The following CTNNA2 variants were observed in gnomAD, a reference collection of about 807,000 sequenced individuals.
CTNNA2 encodes catenin alpha-2.
In CTNNA2, 42 loss-of-function variants were observed where a neutral mutation model predicts 101.0. The observed-to-expected ratio is 0.42, with a 90% CI of 0.32 to 0.54. The LOEUF (loss-of-function observed/expected upper bound fraction) is 0.54. Ranked by LOEUF, CTNNA2 falls within the 20% of genes least tolerant of loss-of-function variation. CTNNA2 has a pLI of 0.14. For missense variants in CTNNA2, 871 were observed against 1,223.1 expected, an observed-to-expected ratio of 0.71 and a Z score of 4.29; for synonymous variants, 450 against 456.4, an observed-to-expected ratio of 0.99 and a Z score of 0.18.
chr2:80,157,615 C>G (rs1704065022), intron 7 of CTNNA2, among the ~76,000 whole-genome samples: 1 of 151,708 alleles, frequency 6.6e-6, no homozygotes, highest in Non-Finnish European at 1.5e-5. Context: ...CTCAGCTGTT[C>G]TGGTGCTGTG....
chr2:79,258,960 C>A (rs1161757997), intron 2 of CTNNA2, among the ~76,000 whole-genome samples: 1 of 149,710 alleles, frequency 6.7e-6, no homozygotes, highest in Non-Finnish European at 1.5e-5. Context: ...ATATTTTAAT[C>A]TTTTGTTGTC....
At chr2:79,871,522 T>G (rs1190944709) in intron 5 of CTNNA2, among the ~76,000 whole-genome samples, 1 of 152,096 alleles carries the variant, frequency 6.6e-6, no homozygotes, top group Non-Finnish European at 1.5e-5. Context: ...AGAAGGGCAT[T>G]CTGCTCTGGA....
At chr2:79,987,811 G>A (rs978704866) in intron 7 of CTNNA2, among the ~76,000 whole-genome samples, 1 of 152,190 alleles carries the variant, frequency 6.6e-6, no homozygotes, top group South Asian at 2.1e-4. Context: ...GATAAGTACT[G>A]TTAAGTGGAA....
intron 8 of CTNNA2, among the ~76,000 whole-genome samples, chr2:80,403,958 C>A (rs1678818584): frequency 6.6e-6 from 1 of 152,162 alleles, no homozygotes; most frequent in South Asian, 2.1e-4. Flanking sequence ...GCAGATGAGG[C>A]TGACTTGGTG....
intron 7 of CTNNA2, among the ~76,000 whole-genome samples, chr2:80,268,989 A>C (rs1042468555): frequency 6.6e-6 from 1 of 152,224 alleles, no homozygotes; most frequent in Non-Finnish European, 1.5e-5. Flanking sequence ...GAAGAGATCT[A>C]TGTATTTCAA....
chr2:79,348,271 G>T (rs1677308081), intron 3 of CTNNA2, among the ~76,000 whole-genome samples: 1 of 152,162 alleles, frequency 6.6e-6, no homozygotes, highest in Admixed American at 6.5e-5. Context: ...AGTAGGTGTT[G>T]ATGCTTTTCT....
At chr2:80,553,107 C>A (rs1208734985) in intron 11 of CTNNA2, among the ~76,000 whole-genome samples, 2 of 151,374 alleles carry the variant, frequency 1.3e-5, no homozygotes, top group East Asian at 3.9e-4. Context: ...GCCTGTAATC[C>A]CATCTACTTG....
intron 7 of CTNNA2, among the ~76,000 whole-genome samples, chr2:79,927,754 T>G (rs1370887355): frequency 6.6e-6 from 1 of 152,200 alleles, no homozygotes; most frequent in African/African-American, 2.4e-5. Context: ...TGTTGCTTAT[T>G]GTATTCACAC....
intron 2 of CTNNA2, among the ~76,000 whole-genome samples, chr2:79,309,270 T>C (rs1676313635): frequency 6.6e-6 from 1 of 152,174 alleles, no homozygotes; most frequent in Non-Finnish European, 1.5e-5. Context: ...ACTGGAGTTG[T>C]ACTACATATT....
chr2:79,760,420 G>A (rs1558905763), intron 3 of CTNNA2, among the ~76,000 whole-genome samples: 1 of 152,014 alleles, frequency 6.6e-6, no homozygotes, highest in Non-Finnish European at 1.5e-5. Flanking sequence ...GGACTAGCAA[G>A]TCCACCATCT....
chr2:80,357,494 G>C (rs1451760060), intron 7 of CTNNA2, among the ~76,000 whole-genome samples: 2 of 151,968 alleles, frequency 1.3e-5, no homozygotes, highest in Non-Finnish European at 2.9e-5. Flanking sequence ...ATAGAGCCGG[G>C]CACAAAGCAG....
chr2:79,303,940 C>T (rs1676172937), intron 2 of CTNNA2, among the ~76,000 whole-genome samples: 1 of 152,048 alleles, frequency 6.6e-6, no homozygotes, highest in Admixed American at 6.5e-5. Context: ...GAGCATTACC[C>T]ATGCAGATTT....
chr2:79,471,556 C>A (rs1392279923), intron 4 of CTNNA2, among the ~76,000 whole-genome samples: 2 of 152,032 alleles, frequency 1.3e-5, no homozygotes, highest in African/African-American at 2.4e-5. Flanking sequence ...TTTAACATAT[C>A]GGCCGGGTGC....
intron 7 of CTNNA2, among the ~76,000 whole-genome samples, chr2:80,047,106 C>T (rs1481198620): frequency 2.0e-5 from 3 of 152,126 alleles, no homozygotes; most frequent in South Asian, 2.1e-4. Context: ...AATCTCTGGC[C>T]TAGACCTTGT....
chr2:79,669,088 T>A (rs967260459), intron 2 of CTNNA2, among the ~76,000 whole-genome samples: 3 of 152,168 alleles, frequency 2.0e-5, no homozygotes, highest in African/African-American at 4.8e-5. Flanking sequence ...CTGATTCCAG[T>A]TGGAAGCATT....
chr2:80,045,382 T>A (rs12468432), intron 7 of CTNNA2, among the ~76,000 whole-genome samples: 4 of 152,096 alleles, frequency 2.6e-5, no homozygotes, highest in African/African-American at 9.7e-5. Context: ...GTTGTAATAG[T>A]TTATCACTAT....
At chr2:79,584,473 A>G (rs188471942) in intron 1 of CTNNA2, among the ~76,000 whole-genome samples, 2 of 151,970 alleles carry the variant, frequency 1.3e-5, no homozygotes, top group East Asian at 1.9e-4. Context: ...ATTCAAATTT[A>G]GGATATAATG....
intron 1 of CTNNA2, among the ~76,000 whole-genome samples, chr2:79,594,796 C>A (rs1461277388): frequency 1.3e-5 from 2 of 152,070 alleles, no homozygotes; most frequent in African/African-American, 2.4e-5. Context: ...TCTGAGCCCA[C>A]AAGCATACTA....
chr2:80,460,137 GT>G (rs553077358), intron 9 of CTNNA2, among the ~76,000 whole-genome samples: 602 of 152,188 alleles, frequency 4.0e-3, no homozygotes, highest in African/African-American at 0.014. Context: ...AAGGAGGATA[GT>G]TTACTTCTTT....
Sources: allele counts gnomAD v4.1 joint callset (sites outside exome capture counted in the v4.1 genomes callset), GRCh38; gene constraint gnomAD v4.1.1; transcripts MANE v1.5; gene names NCBI Gene and HGNC (gene_info 2026-07-23, HGNC 2026-07-21).